Variants in USP34 observed in about 807,000 individuals in gnomAD.
USP34 encodes the protein ubiquitin specific peptidase 34, also known as ubiquitin carboxyl-terminal hydrolase 34.
USP34 carries 70 observed loss-of-function variants against 460.3 expected under a neutral mutation model. That is an observed-to-expected ratio of 0.15 (90% CI 0.13 to 0.19). USP34 has a LOEUF of 0.19. USP34 is among the 10% of genes least tolerant of loss of function. The probability of loss-of-function intolerance (pLI) is 1.00; values close to 1 mark genes in which losing one functional copy is unlikely to be tolerated. For missense variants in USP34, 3,985 were observed against 4,236.2 expected, an observed-to-expected ratio of 0.94 and a Z score of 1.65; for synonymous variants, 1,647 against 1,405.3, an observed-to-expected ratio of 1.17 and a Z score of -3.85.
intron 5 of USP34, 141 bp downstream of exon 5, chr2:61,394,712 T>C (rs1693463754): frequency 1.8e-6 from 1 of 554,116 alleles, no homozygotes; most frequent in Admixed American, 4.1e-5. Flanking sequence ...CGTTAAAACG[T>C]TTCTGTACTC....
intron 48 of USP34, among the ~76,000 whole-genome samples, chr2:61,249,584 T>C (rs1688518382): frequency 6.6e-6 from 1 of 152,156 alleles, no homozygotes; most frequent in Admixed American, 6.5e-5. Flanking sequence ...ATTAAAACTA[T>C]ACAGTCAGTC....
chr2:61,394,688 TTAA>T (rs1156832916), intron 5 of USP34, among the ~76,000 whole-genome samples, 162 bp downstream of exon 5: 3 of 152,100 alleles, frequency 2.0e-5, no homozygotes, highest in Non-Finnish European at 2.9e-5. Context: ...AATTCTAATC[TTAA>T]TAATAAAGAT....
chr2:61,226,887 C>A, intron 62 of USP34, 180 bp downstream of exon 62: 1 of 737,312 alleles, frequency 1.4e-6, no homozygotes, highest in Non-Finnish European at 1.9e-6. Flanking sequence ...ATTCTTATGC[C>A]ACAAGAGTTG....
intron 19 of USP34, among the ~76,000 whole-genome samples, chr2:61,333,030 C>T (rs1039113810): frequency 6.6e-6 from 1 of 151,986 alleles, no homozygotes; most frequent in African/African-American, 2.4e-5. Context: ...CAAATGAATC[C>T]TTCAACAAGT....
chr2:61,260,470 GGAAT>G (rs943739559), intron 43 of USP34, among the ~76,000 whole-genome samples: 1 of 152,098 alleles, frequency 6.6e-6, no homozygotes, highest in Admixed American at 6.5e-5. Context: ...AAAGTCTTGT[GGAAT>G]AATAGGCGTC....
chr2:61,229,860 C>T (rs1486057663), intron 58 of USP34, among the ~76,000 whole-genome samples: 1 of 152,048 alleles, frequency 6.6e-6, no homozygotes, highest in Non-Finnish European at 1.5e-5. Context: ...ACAAACTGTA[C>T]ATTTCAGTAA....
At chr2:61,205,428 G>A (rs1687091020) in intron 72 of USP34, among the ~76,000 whole-genome samples, 1 of 152,012 alleles carries the variant, frequency 6.6e-6, no homozygotes, top group Non-Finnish European at 1.5e-5. Context: ...CGTCAAGACG[G>A]ACTGCTTATA....
chr2:61,417,754 TTTTTTTTA>T (rs1319179725), intron 2 of USP34, among the ~76,000 whole-genome samples: 1 of 146,840 alleles, frequency 6.8e-6, no homozygotes, highest in Non-Finnish European at 1.5e-5. Context: ...CTTTTTTTTT[TTTTTTTTA>T]GACAAAGTCT....
Position 61,319,009 on chromosome 2 carries a change from T to TA in USP34, c.3168+163dup, listed in dbSNP as rs3836126. On this transcript the variant is annotated intron_variant, in intron 22 of 79. Coordinates refer to ENST00000398571, the MANE Select transcript of USP34 (RefSeq NM_014709.4). ...AGGTAAACAGTGTAAACAACAAAAT[T>TA]AGAGCACAATCTGACCAAAAATTAT... Among the ~76,000 whole-genome samples, 13 of 151,932 alleles carry TA rather than the reference T, an allele frequency of 8.6e-5. No homozygotes were observed. In the East Asian group the frequency reaches 2.5e-3, roughly 29 times the overall value.
intron 5 of USP34, among the ~76,000 whole-genome samples, chr2:61,389,774 C>A (rs1444183262): frequency 6.6e-6 from 1 of 151,830 alleles, no homozygotes; most frequent in Non-Finnish European, 1.5e-5. Flanking sequence ...AGGTTTCCTT[C>A]TCCCCACCCC....
chr2:61,258,404 C>T (rs1688778593), intron 44 of USP34, among the ~76,000 whole-genome samples: 1 of 152,088 alleles, frequency 6.6e-6, no homozygotes, highest in African/African-American at 2.4e-5. Flanking sequence ...AGAAAAGTAA[C>T]ATATATACAA....
intron 1 of USP34, among the ~76,000 whole-genome samples, chr2:61,464,561 T>A (rs577758625): frequency 4.1e-4 from 62 of 150,972 alleles, no homozygotes; most frequent in African/African-American, 1.5e-3. Flanking sequence ...ACCAAACGAA[T>A]ACACAGAGTA....
rs956127820 is a variant in USP34, at chr2:61,394,632, G to A, written c.753+221C>T. On this transcript the variant is annotated intron_variant, in intron 5 of 79. Transcript: ENST00000398571. ...TAGATAAAATAGATAATTATAGATA[G>A]TCATGACCCCTTTTAGCTTTAAAAC... Among the ~76,000 whole-genome samples the A allele has an allele frequency of 8.6e-5, 13 of 151,020 alleles. No homozygotes were observed. The East Asian group carries it at 2.1e-3, about 25-fold the overall frequency.
intron 65 of USP34, 51 bp from the exon 66 acceptor site, chr2:61,221,657 C>A: frequency 6.5e-7 from 1 of 1,542,910 alleles, no homozygotes; most frequent in Non-Finnish European, 8.9e-7. Context: ...AACCCATCTC[C>A]TTCAGCAGAG....
At chr2:61,382,936 A>T (rs904376496) in intron 6 of USP34, among the ~76,000 whole-genome samples, 2 of 152,142 alleles carry the variant, frequency 1.3e-5, no homozygotes, top group African/African-American at 4.8e-5. Context: ...AGATTTTTGC[A>T]ATTTGTTTTC....
chr2:61,449,254 TAAA>T (rs111308233), intron 1 of USP34, among the ~76,000 whole-genome samples: 273 of 143,424 alleles, frequency 1.9e-3, no homozygotes, highest in Non-Finnish European at 1.6e-3. Flanking sequence ...GACTCCCTCT[TAAA>T]AAAAAAAAAA....
At chr2:61,317,971 C>T (rs1029583291) in intron 22 of USP34, among the ~76,000 whole-genome samples, 1 of 151,940 alleles carries the variant, frequency 6.6e-6, no homozygotes, top group Non-Finnish European at 1.5e-5. Context: ...GCAGGCAGAT[C>T]GCTTGAGCTC....
intron 50 of USP34, among the ~76,000 whole-genome samples, chr2:61,246,069 T>C (rs913817386): frequency 1.3e-5 from 2 of 152,220 alleles, no homozygotes; most frequent in Admixed American, 1.3e-4. Context: ...AGTTGAAATG[T>C]TGTCTATAAA....
chr2:61,325,155 T>C (rs761807495), intron 21 of USP34, among the ~76,000 whole-genome samples: 16 of 152,102 alleles, frequency 1.1e-4, no homozygotes, highest in Non-Finnish European at 2.1e-4. Flanking sequence ...CAATGTTCAC[T>C]ATTTGAGTAA....
Sources: gnomAD v4.1 joint callset for allele counts (sites outside exome capture counted in the v4.1 genomes callset) on GRCh38, gnomAD v4.1.1 for gene constraint, MANE v1.5 for transcripts, NCBI Gene and HGNC (gene_info 2026-07-23, HGNC 2026-07-21) for gene names.